EPHA5: variants seen among roughly 807,000 people sequenced by gnomAD.
EPHA5 encodes ephrin type-A receptor 5.
A neutral mutation model predicts 105.0 loss-of-function variants in EPHA5; 60 were observed. That is an observed-to-expected ratio of 0.57 (90% CI 0.46 to 0.71). EPHA5 has a LOEUF of 0.71. Among genes scored for constraint, EPHA5 ranks in the 30% least tolerant of loss-of-function variants. The pLI is 0.00. For missense variants in EPHA5, 1,218 were observed against 1,274.7 expected, an observed-to-expected ratio of 0.96 and a Z score of 0.68; for synonymous variants, 513 against 449.1, an observed-to-expected ratio of 1.14 and a Z score of -1.80.
intron 8 of EPHA5, 97 bp from the exon 9 acceptor site, chr4:65,367,521 C>T (rs1718034493): frequency 1.8e-6 from 2 of 1,112,032 alleles, no homozygotes; most frequent in Admixed American, 1.8e-5. Flanking sequence ...TATTGCAACC[C>T]TAAACTGATT....
intron 5 of EPHA5, among the ~76,000 whole-genome samples, chr4:65,428,921 G>A (rs2149057539): frequency 6.6e-6 from 1 of 151,992 alleles, no homozygotes; most frequent in East Asian, 1.9e-4. Context: ...AAATAACAGT[G>A]CAAATCACAG....
chr4:65,510,057 G>A (rs1188279774), intron 3 of EPHA5, among the ~76,000 whole-genome samples: 1 of 140,062 alleles, frequency 7.1e-6, no homozygotes, highest in African/African-American at 2.6e-5. Context: ...TTTTCGAGAT[G>A]GAGTTTCACT....
At chr4:65,615,520 C>T (rs1305196372) in intron 2 of EPHA5, among the ~76,000 whole-genome samples, 1 of 151,834 alleles carries the variant, frequency 6.6e-6, no homozygotes. Context: ...ACAATACTAT[C>T]AACCAATAAT....
rs756679349 is a variant in EPHA5, at chr4:65,669,759, C to G, written c.-17G>C. ...GCCCCGCATCTTCTCCGAGCCTCCT[C>G]CGGTGCCGCTGTCCCGAGCGGCTCA... is the stretch of plus-strand genomic sequence containing the variant. On this transcript the variant is annotated 5_prime_UTR_variant, in exon 1 of 17. Transcript: ENST00000613740. 2.6e-5 allele frequency: 33 copies of G among 1,251,340 alleles called. No homozygotes were observed. In the African/African-American group the frequency reaches 4.6e-4, roughly 18 times the overall value. The allele number at this position is 1,251,340 out of a possible 1,614,324, so 77.5% of individuals were successfully genotyped here.
chr4:65,531,325 C>A (rs374427943), intron 3 of EPHA5, among the ~76,000 whole-genome samples: 68 of 152,310 alleles, frequency 4.5e-4, no homozygotes, highest in African/African-American at 1.6e-3. Flanking sequence ...GCGTGAGCCA[C>A]CGCGCCCGGC....
intron 2 of EPHA5, among the ~76,000 whole-genome samples, chr4:65,634,749 T>G (rs1345627452): frequency 6.6e-6 from 1 of 152,076 alleles, no homozygotes; most frequent in East Asian, 1.9e-4. Flanking sequence ...TGTGCTCTTT[T>G]TTTTACCCAC....
chr4:65,541,837 G>T (rs1002548124), intron 3 of EPHA5, among the ~76,000 whole-genome samples: 1 of 151,816 alleles, frequency 6.6e-6, no homozygotes, highest in Non-Finnish European at 1.5e-5. Context: ...TGACATTATC[G>T]GAAGTAAAAC....
intron 2 of EPHA5, among the ~76,000 whole-genome samples, chr4:65,625,823 A>C (rs1746089760): frequency 6.6e-6 from 1 of 152,224 alleles, no homozygotes; most frequent in African/African-American, 2.4e-5. Flanking sequence ...TTATTTAAAG[A>C]ATGCGCGGCC....
intron 15 of EPHA5, 105 bp from the exon 16 acceptor site, chr4:65,332,233 T>A: frequency 1.1e-6 from 1 of 917,654 alleles, no homozygotes; most frequent in East Asian, 3.1e-5. Context: ...AGTCTGTAAG[T>A]ATATTTATAG....
chr4:65,592,504 TA>T (rs201711824), intron 3 of EPHA5, among the ~76,000 whole-genome samples: 25 of 145,290 alleles, frequency 1.7e-4, no homozygotes, highest in Non-Finnish European at 2.6e-4. Flanking sequence ...GACTCCGAGT[TA>T]AAAAAAAACA....
intron 5 of EPHA5, among the ~76,000 whole-genome samples, chr4:65,484,433 G>A (rs1179534747): frequency 1.3e-5 from 2 of 152,040 alleles, no homozygotes; most frequent in Non-Finnish European, 2.9e-5. Context: ...GAAAGTATAG[G>A]TAACACCTAC....
At chr4:65,436,883 T>C (rs978057324) in intron 5 of EPHA5, among the ~76,000 whole-genome samples, 1 of 152,008 alleles carries the variant, frequency 6.6e-6, no homozygotes, top group Non-Finnish European at 1.5e-5. Flanking sequence ...TTGATTGTTA[T>C]TTTTATGCCC....
intron 11 of EPHA5, among the ~76,000 whole-genome samples, chr4:65,357,618 T>C (rs753390125): frequency 1.6e-4 from 24 of 151,404 alleles, no homozygotes; most frequent in Non-Finnish European, 2.7e-4. Flanking sequence ...CTACTTAAAG[T>C]AGTTAAACCC....
rs1719522322 is a variant in EPHA5 at position 65,320,181 on chromosome 4, C to T, written c.*3933G>A. ...AGAAATGAAAAGAAAGTTCCTATTT[C>T]TATTTTGATACATTACTATATAATT... On this transcript the variant is annotated 3_prime_UTR_variant, in exon 17 of 17. Coordinates refer to ENST00000613740, the MANE Select transcript of EPHA5 (RefSeq NM_001281766.3). The T allele has an allele frequency of 4.3e-6, 1 of 229,944 alleles. No homozygotes were observed. The highest frequency in any genetic ancestry group is 2.2e-5 in the African/African-American group (1 of 45,134). The allele number at this position is 229,944 out of a possible 1,614,324, so 14.2% of individuals were successfully genotyped here.
chr4:65,402,152 C>G (rs187944608), intron 8 of EPHA5, among the ~76,000 whole-genome samples: 5 of 152,154 alleles, frequency 3.3e-5, no homozygotes, highest in African/African-American at 9.6e-5. Flanking sequence ...CCCCTTTCAG[C>G]ACTTCTCCTT....
At chr4:65,574,590 A>C (rs1336476452) in intron 3 of EPHA5, among the ~76,000 whole-genome samples, 5 of 144,268 alleles carry the variant, frequency 3.5e-5, no homozygotes, top group South Asian at 4.2e-4. Flanking sequence ...GTCTCTCTCT[A>C]TATATTGCTG....
In EPHA5 at chr4:65,462,970, G is replaced by T. The variant is rs560520531; in HGVS notation, c.1402+27407C>A. On this transcript the variant is annotated intron_variant, in intron 5 of 16. Transcript: ENST00000613740. ...TAAACTCTTTACTTAGGTCTCTAAA[G>T]AAATTTATGATTAACAAATGCAATC... Among the ~76,000 whole-genome samples, 15 of 152,228 alleles carry T rather than the reference G, an allele frequency of 9.9e-5. No individual in the cohort carries two copies. In the South Asian group the frequency reaches 2.9e-3, roughly 29 times the overall value.
chr4:65,376,911 T>C lies in EPHA5; in HGVS notation c.1794-9487A>G, dbSNP rs986839800. 6.5e-6 allele frequency: 8 copies of C among 1,228,260 alleles called. No individual in the cohort carries two copies. The African/African-American group carries it at 9.1e-5, about 14-fold the overall frequency. 76.1% of individuals were successfully genotyped at this position (1,228,260 alleles called of 1,614,324 possible). The stretch of plus-strand genomic sequence containing the variant: ...GAGCCAGTTTTATTCTACTCAAATG[T>C]ACACAAATGGAGAAAGAAAAGGAAT... On this transcript the variant is annotated intron_variant, in intron 8 of 16. Coordinates refer to ENST00000613740, the MANE Select transcript of EPHA5 (RefSeq NM_001281766.3).
At chr4:65,397,545 G>A (rs1437362961) in intron 8 of EPHA5, among the ~76,000 whole-genome samples, 1 of 151,742 alleles carries the variant, frequency 6.6e-6, no homozygotes, top group African/African-American at 2.4e-5. Flanking sequence ...TAATTTTTTT[G>A]ACCAGGATGA....
Sources: gnomAD v4.1 joint callset for allele counts (sites outside exome capture counted in the v4.1 genomes callset) on GRCh38, gnomAD v4.1.1 for gene constraint, MANE v1.5 for transcripts, NCBI Gene and HGNC (gene_info 2026-07-23, HGNC 2026-07-21) for gene names.